Variants in MOB1A observed in about 807,000 individuals in gnomAD.
MOB1A encodes MOB1 Mps One Binder homolog A.
In MOB1A, 10 loss-of-function variants were observed where a neutral mutation model predicts 25.1. The observed-to-expected ratio is 0.40, with a 90% CI of 0.25 to 0.68. The LOEUF is 0.68. MOB1A is among the 30% of genes least tolerant of loss of function. The pLI is 0.40. For missense variants in MOB1A, 177 were observed against 256.3 expected (o/e 0.69, Z 2.11); for synonymous variants, 81 against 79.5 (o/e 1.02, Z -0.10).
At chr2:74,157,507 T>C (rs564716717) in intron 5 of MOB1A, among the ~76,000 whole-genome samples, 3 of 152,332 alleles carry the variant, frequency 2.0e-5, no homozygotes, top group South Asian at 4.1e-4. Context: ...CCCTGGTTTA[T>C]AGTCAGAGGT....
intron 3 of MOB1A, among the ~76,000 whole-genome samples, chr2:74,166,105 A>G (rs1376655873): frequency 6.6e-6 from 1 of 151,268 alleles, no homozygotes; most frequent in Non-Finnish European, 1.5e-5. Context: ...GTCATTTATT[A>G]TAAGAAAAAA....
intron 2 of MOB1A, among the ~76,000 whole-genome samples, chr2:74,170,025 G>C (rs1247438489): frequency 1.3e-5 from 2 of 152,172 alleles, no homozygotes; most frequent in Admixed American, 6.5e-5. Flanking sequence ...AAAAATTTGA[G>C]AACTGCTGAT....
intron 2 of MOB1A, among the ~76,000 whole-genome samples, chr2:74,167,687 G>C (rs1033657145): frequency 6.6e-6 from 1 of 152,152 alleles, no homozygotes; most frequent in Admixed American, 6.6e-5. Flanking sequence ...GAGGGAGAAG[G>C]TGCACCAGCT....
At position 74,169,967 on chromosome 2, in the gene MOB1A, T is replaced by C. The variant is rs560052973; in HGVS notation, c.181+2619A>G. On this transcript the variant is annotated intron_variant, in intron 2 of 5. Transcript: ENST00000396049. ...TTTAATTAACACAGAATGGTACATA[T>C]TTATGGGAATCAATAATTTTTTAAG... Among the ~76,000 whole-genome samples, 9 of 151,940 alleles carry C rather than the reference T, an allele frequency of 5.9e-5. No individual in the cohort carries two copies. In the South Asian group the frequency reaches 1.0e-3, roughly 18 times the overall value.
intron 1 of MOB1A, among the ~76,000 whole-genome samples, chr2:74,177,296 T>C (rs1693503586): frequency 6.6e-6 from 1 of 151,728 alleles, no homozygotes; most frequent in Non-Finnish European, 1.5e-5. Context: ...GAGGTTGCAG[T>C]GAGCCGAGAC....
chr2:74,175,525 G>A (rs982092314), intron 1 of MOB1A, among the ~76,000 whole-genome samples: 3 of 152,140 alleles, frequency 2.0e-5, no homozygotes, highest in Non-Finnish European at 4.4e-5. Flanking sequence ...CATTTTGGGA[G>A]GGCAATATGG....
chr2:74,158,159 G>A (rs757647361), intron 5 of MOB1A, among the ~76,000 whole-genome samples: 109 of 133,454 alleles, frequency 8.2e-4, no homozygotes, highest in Admixed American at 4.1e-3. Flanking sequence ...CAGTCTGGGC[G>A]ACAGAGCAAG....
In MOB1A at chr2:74,159,163, A is replaced by T. The variant is rs1259046885; in HGVS notation, c.501T>A (p.Phe167Leu). 6.2e-7 allele frequency: 1 copy of T among 1,613,964 alleles called. No individual in the cohort carries two copies. Among genetic ancestry groups the T allele is most frequent in the Admixed American group, 1.7e-5 (1 of 60,024 alleles). Residue 167 changes from phenylalanine (F) to leucine (L), a missense_variant, in exon 5 of 6, where the codon TTT becomes TTA. By Grantham distance (22) the Phe-to-Leu change is conservative. Coordinates refer to ENST00000396049, the MANE Select transcript of MOB1A (RefSeq NM_018221.5). Reference sequence around the variant, plus strand: ...CCTCTTGCAGCTGCATCACAGAATCAAAGTGCTGGTGATAAATATGGGCAT... The same window carrying T: ...CCTCTTGCAGCTGCATCACAGAATCTAAGTGCTGGTGATAAATATGGGCAT... ...RVYAHIYHQH[F>L]DSVMQLQEEA...
chr2:74,178,651 C>A lies in MOB1A; in HGVS notation c.14+10G>T. 1.4e-6 allele frequency: 2 copies of A among 1,381,776 alleles called. No homozygotes were observed. The highest frequency in any genetic ancestry group is 1.7e-5 in the South Asian group (1 of 57,966). 85.6% of individuals were successfully genotyped at this position (1,381,776 alleles called of 1,614,324 possible). On this transcript the variant is annotated intron_variant, in intron 1 of 5. Transcript: ENST00000396049. ...CGCAGGCCCGGCGCCCGCGGCCCGA[C>A]CCCACTCACAAGAGGAAGCTCATCT...
intron 2 of MOB1A, among the ~76,000 whole-genome samples, chr2:74,170,691 C>T (rs1022941227): frequency 8.2e-5 from 12 of 146,386 alleles, no homozygotes; most frequent in Non-Finnish European, 1.0e-4. Flanking sequence ...GCTGAGATCG[C>T]GCCAGCCTGT....
In MOB1A at chr2:74,178,644, G is replaced by C; in HGVS notation, c.14+17C>G. ...CTCGGCCCGCAGGCCCGGCGCCCGC[G>C]GCCCGACCCCACTCACAAGAGGAAG... On this transcript the variant is annotated intron_variant, in intron 1 of 5. Coordinates refer to ENST00000396049, the MANE Select transcript of MOB1A (RefSeq NM_018221.5). 7.2e-7 allele frequency: 1 copy of C among 1,381,040 alleles called. No homozygotes were observed. Among genetic ancestry groups the C allele is most frequent in the South Asian group, 1.7e-5 (1 of 58,578 alleles). The allele number at this position is 1,381,040 out of a possible 1,614,324, so 85.5% of individuals were successfully genotyped here.
intron 4 of MOB1A, 95 bp downstream of exon 4, chr2:74,165,123 C>A (rs1209584582): frequency 6.1e-6 from 6 of 982,914 alleles, no homozygotes; most frequent in Admixed American, 3.4e-5. Context: ...AGTTTGAGAC[C>A]AACCTGGACA....
Position 74,154,070 on chromosome 2 carries a change from A to G in MOB1A, c.*2498T>C, listed in dbSNP as rs1202878359. ...GCTGGGCGTGGTGGCGGGCACCTGTAGTTCCAGCTACTCAGGAGAGGCTGG... is the reference window on the plus strand; with the variant it reads ...GCTGGGCGTGGTGGCGGGCACCTGTGGTTCCAGCTACTCAGGAGAGGCTGG... On this transcript the variant is annotated 3_prime_UTR_variant, in exon 6 of 6. Transcript: ENST00000396049. 1 of 151,968 alleles carries G rather than the reference A, an allele frequency of 6.6e-6. No homozygotes were observed. The highest frequency in any genetic ancestry group is 6.6e-5 in the Admixed American group (1 of 15,250). The allele number at this position is 151,968 out of a possible 1,614,324, so 9.4% of individuals were successfully genotyped here.
At chr2:74,166,510 G>A (rs1693132416) in intron 3 of MOB1A, among the ~76,000 whole-genome samples, 1 of 152,142 alleles carries the variant, frequency 6.6e-6, no homozygotes, top group Admixed American at 6.6e-5. Context: ...AATGAAAACA[G>A]GGAGTACCCA....
Position 74,167,238 on chromosome 2 carries a change from A to C in MOB1A, c.182-131T>G, listed in dbSNP as rs1005224292. On this transcript the variant is annotated intron_variant, in intron 2 of 5. Coordinates refer to ENST00000396049, the MANE Select transcript of MOB1A (RefSeq NM_018221.5). ...TTGAGACATTCAATAATCCAATGAT[A>C]CTGTAACTTGTAGTATACTACACTT... 4 of 652,802 alleles carry C rather than the reference A, an allele frequency of 6.1e-6. No homozygotes were observed. In the African/African-American group the frequency reaches 7.3e-5, roughly 12 times the overall value. The allele number at this position is 652,802 out of a possible 1,614,324, so 40.4% of individuals were successfully genotyped here. A position where few individuals can be genotyped will look rare whatever the true frequency, so the allele number is the denominator to read the frequency against.
intron 1 of MOB1A, chr2:74,172,966 C>G (rs1693339159): frequency 5.4e-6 from 3 of 554,906 alleles, no homozygotes; most frequent in South Asian, 3.9e-5. Flanking sequence ...TGAAACCACA[C>G]GTCTACTAAA....
chr2:74,169,488 T>C (rs1460179870), intron 2 of MOB1A, among the ~76,000 whole-genome samples: 1 of 151,718 alleles, frequency 6.6e-6, no homozygotes, highest in Non-Finnish European at 1.5e-5. Flanking sequence ...GACAGGGCGA[T>C]ACTGTCTCGA....
intron 4 of MOB1A, among the ~76,000 whole-genome samples, chr2:74,161,117 C>T (rs778040064): frequency 4.6e-5 from 7 of 152,154 alleles, no homozygotes; most frequent in South Asian, 2.1e-4. Context: ...TGTTCCACAA[C>T]GCTACTCTTG....
In MOB1A at chr2:74,173,290, C is replaced by A. The variant is rs903782660; in HGVS notation, c.15-538G>T. On this transcript the variant is annotated intron_variant, in intron 1 of 5. Coordinates refer to ENST00000396049, the MANE Select transcript of MOB1A (RefSeq NM_018221.5). ...CTATGCCCTCTGAAGAAGTCTGGTA[C>A]AGAGAAACATCCTGGATTTTAGTTC... 4 of 478,532 alleles carry A rather than the reference C, an allele frequency of 8.4e-6. No homozygotes were observed. The Admixed American group carries it at 9.0e-5, about 11-fold the overall frequency. The allele number at this position is 478,532 out of a possible 1,614,324, so 29.6% of individuals were successfully genotyped here.
Sources: gnomAD v4.1 joint callset for allele counts (sites outside exome capture counted in the v4.1 genomes callset) on GRCh38, gnomAD v4.1.1 for gene constraint, MANE v1.5 for transcripts, NCBI Gene and HGNC (gene_info 2026-07-23, HGNC 2026-07-21) for gene names.